Variants in KDM4C observed in about 807,000 individuals in gnomAD.
KDM4C encodes the protein lysine-specific demethylase 4C.
Under a neutral mutation model 129.3 loss-of-function variants are expected in KDM4C, and 81 were observed. The observed-to-expected ratio is 0.63, with a 90% CI of 0.52 to 0.75. KDM4C has a LOEUF of 0.75. Among genes scored for constraint, KDM4C ranks in the 30% least tolerant of loss-of-function variants. The pLI, the probability that KDM4C is intolerant of heterozygous loss-of-function variation, is 0.00. For missense variants in KDM4C, 1,457 were observed against 1,304.0 expected (o/e 1.12, Z -1.81); for synonymous variants, 573 against 456.1 (o/e 1.26, Z -3.26).
At chr9:6,751,801 A>G (rs533712900) in intron 1 of KDM4C, among the ~76,000 whole-genome samples, 122 of 152,350 alleles carry the variant, frequency 8.0e-4, no homozygotes, top group Admixed American at 1.6e-3. Context: ...TTGATCAGAC[A>G]GAATACCTTC....
At chr9:7,021,302 G>A (rs1196479372) in intron 15 of KDM4C, among the ~76,000 whole-genome samples, 2 of 151,740 alleles carry the variant, frequency 1.3e-5, no homozygotes, top group African/African-American at 4.8e-5. Context: ...ATGCCACCAT[G>A]CCCGGCTAAT....
At chr9:6,834,511 C>A in intron 4 of KDM4C, 1 of 651,108 alleles carries the variant, frequency 1.5e-6, no homozygotes. Context: ...ATGTGGAAGG[C>A]TGGCTTCGCA....
chr9:6,771,080 C>CTTTTT lies in KDM4C; in HGVS notation c.-18+12902_-18+12906dup, dbSNP rs35945405. ...TGAGCCACTGCGCCCGACTGTGAAT[C>CTTTTT]TTTTTTTTTTTTTTTTTTTTTTTTT... On this transcript the variant is annotated intron_variant, in intron 1 of 21. Transcript: ENST00000381309. 5.9e-3 allele frequency among the ~76,000 whole-genome samples: 338 copies of CTTTTT among 56,972 alleles called. 58 individuals are homozygous for CTTTTT. Among genetic ancestry groups the CTTTTT allele is most frequent in the African/African-American group, 0.023 (306 of 13,242 alleles). The allele number at this position is 56,972 out of a possible 152,430, so 37.4% of individuals were successfully genotyped here. A position where few individuals can be genotyped will look rare whatever the true frequency, so the allele number is the denominator to read the frequency against.
chr9:6,846,572 A>G (rs1173651548), intron 4 of KDM4C, among the ~76,000 whole-genome samples: 1 of 152,226 alleles, frequency 6.6e-6, no homozygotes, highest in Non-Finnish European at 1.5e-5. Flanking sequence ...GTTATTCTTA[A>G]TATTTGCACA....
At chr9:6,732,543 C>T (rs1343259317) in intron 1 of KDM4C, among the ~76,000 whole-genome samples, 6 of 151,778 alleles carry the variant, frequency 4.0e-5, no homozygotes, top group African/African-American at 1.2e-4. Context: ...CCACCGCACC[C>T]AGCCAGAAAG....
intron 15 of KDM4C, among the ~76,000 whole-genome samples, chr9:7,016,931 C>G (rs529127555): frequency 2.0e-5 from 3 of 152,076 alleles, no homozygotes; most frequent in African/African-American, 7.2e-5. Flanking sequence ...GTGTTCATAT[C>G]CAGTGTTTAT....
At chr9:6,815,945 C>A (rs1386505070) in intron 4 of KDM4C, among the ~76,000 whole-genome samples, 5 of 152,128 alleles carry the variant, frequency 3.3e-5, no homozygotes, top group African/African-American at 9.7e-5. Flanking sequence ...CACGATAGTT[C>A]ACCCTGAATT....
At chr9:6,812,256 C>T (rs1008678459) in intron 3 of KDM4C, among the ~76,000 whole-genome samples, 1 of 151,374 alleles carries the variant, frequency 6.6e-6, no homozygotes, top group African/African-American at 2.4e-5. Context: ...AAAGTTGTTA[C>T]TGATTGAGTA....
At chr9:6,859,583 G>T (rs1840556661) in intron 5 of KDM4C, among the ~76,000 whole-genome samples, 1 of 149,162 alleles carries the variant, frequency 6.7e-6, no homozygotes, top group Non-Finnish European at 1.5e-5. Flanking sequence ...CTGAGGACTG[G>T]CTGGGCGCGG....
chr9:7,119,514 A>G (rs1031902534), intron 18 of KDM4C, among the ~76,000 whole-genome samples: 4 of 152,160 alleles, frequency 2.6e-5, no homozygotes, highest in Non-Finnish European at 1.5e-5. Flanking sequence ...TATGCTCATC[A>G]ACAACTTTGT....
In KDM4C at chr9:6,732,237, C is replaced by CACAA. The variant is rs1817367008; in HGVS notation, c.49+11240_49+11241insACAA. Among the ~76,000 whole-genome samples, 6 of 151,006 alleles carry CACAA rather than the reference C, an allele frequency of 4.0e-5. 1 individual carries two copies. In the South Asian group the frequency reaches 6.4e-4, roughly 16 times the overall value. ...AAAATTAGCCGGGCGTGGTGGTGGG[C>CACAA]GCCTGTAGTCCCAGCTACTCGGGAG... is the stretch of plus-strand genomic sequence containing the variant. On this transcript the variant is annotated intron_variant, in intron 1 of 17. Transcript: ENST00000536108.
chr9:6,981,185 G>T, intron 9 of KDM4C, 67 bp downstream of exon 9: 1 of 1,280,334 alleles, frequency 7.8e-7, no homozygotes, highest in Non-Finnish European at 1.1e-6. Flanking sequence ...TGGGTCATTG[G>T]ATGTGGCAAT....
chr9:6,848,696 T>C (rs1182350696), intron 4 of KDM4C, among the ~76,000 whole-genome samples: 2 of 151,980 alleles, frequency 1.3e-5, no homozygotes, highest in Non-Finnish European at 1.5e-5. Context: ...ATTGTTAAGT[T>C]CTAATCAAAC....
intron 4 of KDM4C, among the ~76,000 whole-genome samples, chr9:6,817,292 C>A: frequency 6.7e-6 from 1 of 149,186 alleles, no homozygotes; most frequent in East Asian, 2.0e-4. Context: ...GCCTTGACCT[C>A]CTGGGTTCAA....
At chr9:6,774,605 C>T (rs953482621) in intron 1 of KDM4C, among the ~76,000 whole-genome samples, 1 of 152,072 alleles carries the variant, frequency 6.6e-6, no homozygotes, top group Admixed American at 6.6e-5. Flanking sequence ...GTGGAGATTG[C>T]AGTAAGCTGA....
chr9:6,910,044 A>C (rs1819001249), intron 8 of KDM4C, among the ~76,000 whole-genome samples: 1 of 152,224 alleles, frequency 6.6e-6, no homozygotes, highest in African/African-American at 2.4e-5. Context: ...TGAGAAGGAA[A>C]ATATGGTAAA....
intron 17 of KDM4C, among the ~76,000 whole-genome samples, chr9:7,080,200 A>G (rs1018600745): frequency 1.3e-5 from 2 of 152,232 alleles, no homozygotes; most frequent in African/African-American, 4.8e-5. Flanking sequence ...GTATTGGAGC[A>G]GAAGTGAAAT....
rs141008839 is a variant in KDM4C, at chr9:7,114,750, C to A, written c.2610+10880C>A. On this transcript the variant is annotated intron_variant, in intron 18 of 21. Coordinates refer to ENST00000381309, the MANE Select transcript of KDM4C (RefSeq NM_015061.6). ...CTGTCATTTCCACCACAGAGTGCAC[C>A]GTGGAACCAGGGAGCCCCTTAGCAG... is the stretch of plus-strand genomic sequence containing the variant. Among the ~76,000 whole-genome samples the A allele has an allele frequency of 4.2e-3, 639 of 152,204 alleles. 4 individuals carry two copies. Among genetic ancestry groups the A allele is most frequent in the African/African-American group, 0.015 (618 of 41,544 alleles).
At chr9:6,982,483 A>G (rs1257690959) in intron 9 of KDM4C, 1 of 152,158 alleles carries the variant, frequency 6.6e-6, no homozygotes, top group Non-Finnish European at 1.5e-5. Context: ...GCAAATATTC[A>G]CTCATGACAT....
Sources: gnomAD v4.1 joint callset for allele counts (sites outside exome capture counted in the v4.1 genomes callset) on GRCh38, gnomAD v4.1.1 for gene constraint, MANE v1.5 for transcripts, NCBI Gene and HGNC (gene_info 2026-07-23, HGNC 2026-07-21) for gene names.